The following FERMT1 variants were observed in gnomAD, a reference collection of about 807,000 sequenced individuals.
FERMT1 encodes FERM domain containing kindlin 1.
FERMT1 carries 60 observed loss-of-function variants against 85.3 expected under a neutral mutation model. The observed-to-expected ratio is 0.70, with a 90% confidence interval of 0.57 to 0.87. The LOEUF (loss-of-function observed/expected upper bound fraction) is 0.87, where lower values mean the gene tolerates loss of function less well. FERMT1 is among the 40% of genes least tolerant of loss of function. FERMT1 has a pLI of 0.00. For missense variants in FERMT1, 701 were observed against 818.9 expected, an observed-to-expected ratio of 0.86 and a Z score of 1.76; for synonymous variants, 275 against 301.1, an observed-to-expected ratio of 0.91 and a Z score of 0.90.
chr20:6,121,329 C>T (rs1362921407), intron 1 of FERMT1, among the ~76,000 whole-genome samples: 1 of 152,206 alleles, frequency 6.6e-6, no homozygotes, highest in Non-Finnish European at 1.5e-5. Flanking sequence ...ACCATGCTGG[C>T]CAGGCTGGTC....
chr20:6,116,753 G>T (rs1029237364), intron 2 of FERMT1, among the ~76,000 whole-genome samples: 1 of 148,880 alleles, frequency 6.7e-6, no homozygotes, highest in Non-Finnish European at 1.5e-5. Flanking sequence ...TGGAAAATAG[G>T]GACTAAATCT....
Position 6,078,651 on chromosome 20 carries a change from T to TG in FERMT1, c.1860+784_1860+785insC, listed in dbSNP as rs1568651740. Among the ~76,000 whole-genome samples, 239 of 140,370 alleles carry TG rather than the reference T, an allele frequency of 1.7e-3. 1 individual carries two copies. The highest frequency in any genetic ancestry group is 7.0e-3 in the Middle Eastern group (2 of 284). 92.1% of individuals were successfully genotyped at this position (140,370 alleles called of 152,430 possible). Reference sequence around the variant, plus strand: ...GTTCAGCGTTTTTTTTTTTTGTTTTTTTTTTTTTTAATTTTCTGTGGAGAC... The same window carrying TG: ...GTTCAGCGTTTTTTTTTTTTGTTTTTGTTTTTTTTTAATTTTCTGTGGAGAC... On this transcript the variant is annotated intron_variant, in intron 14 of 14. Coordinates refer to ENST00000217289, the MANE Select transcript of FERMT1 (RefSeq NM_017671.5).
chr20:6,083,641 C>G (rs6053891), intron 13 of FERMT1, among the ~76,000 whole-genome samples: 1 of 131,904 alleles, frequency 7.6e-6, no homozygotes, highest in South Asian at 2.5e-4. Context: ...CCAGCCTGGG[C>G]GGCAAAATGA....
Position 6,087,821 on chromosome 20 carries a change from G to A in FERMT1, c.1327C>T (p.Pro443Ser). 1.9e-6 allele frequency: 3 copies of A among 1,611,524 alleles called. No individual in the cohort carries two copies. The highest frequency in any genetic ancestry group is 2.5e-6 in the Non-Finnish European group (3 of 1,177,674). The change falls in exon 11 of 15, where the codon CCT becomes TCT. Residue 443 changes from proline (P) to serine (S), a missense_variant. Physicochemically the swap from Pro to Ser is moderately conservative, Grantham distance 74. Transcript: ENST00000217289. ...GRKFGIKLLI[P>S]VADGMNEMYL... ...ATTTCATTCATACCATCGGCAACAG[G>A]GATTAGTAACTTGATTCCAAATTTT...
At chr20:6,082,814 C>T (rs1238128177) in intron 13 of FERMT1, among the ~76,000 whole-genome samples, 3 of 152,124 alleles carry the variant, frequency 2.0e-5, no homozygotes, top group Admixed American at 6.6e-5. Flanking sequence ...CACCACCACG[C>T]CCAGCTAATT....
intron 10 of FERMT1, among the ~76,000 whole-genome samples, chr20:6,088,583 C>T (rs905595478): frequency 3.3e-5 from 5 of 151,606 alleles, no homozygotes; most frequent in African/African-American, 1.2e-4. Flanking sequence ...GTAAGTAAAC[C>T]GTGCCTCATG....
chr20:6,119,558 G>A lies in FERMT1; in HGVS notation c.-4C>T, dbSNP rs752316265. On this transcript the variant is annotated 5_prime_UTR_variant, in exon 2 of 15. Transcript: ENST00000217289. ...TAAAGTCAGTGGATGACAGCATTGT[G>A]GCAAATGCTGGTGTCTGCTGAACAA... 4.3e-6 allele frequency: 7 copies of A among 1,613,426 alleles called. No individual in the cohort carries two copies. In the South Asian group the frequency reaches 7.7e-5, roughly 18 times the overall value.
chr20:6,095,508 T>C (rs75198161), intron 8 of FERMT1, among the ~76,000 whole-genome samples: 8,099 of 152,354 alleles, frequency 0.053, 322 homozygotes, highest in Middle Eastern at 0.17. Flanking sequence ...TACACCTAGG[T>C]CACTGATTAA....
In FERMT1 at chr20:6,075,532, G is replaced by C. The variant is rs542885232; in HGVS notation, c.*1641C>G. The C allele has an allele frequency of 1.3e-5, 2 of 152,428 alleles. No homozygotes were observed. Among genetic ancestry groups the C allele is most frequent in the African/African-American group, 4.8e-5 (2 of 41,550 alleles). The allele number at this position is 152,428 out of a possible 1,614,324, so 9.4% of individuals were successfully genotyped here. ...TCAGAAATTCAGCGGGTGCCTGGGA[G>C]GCTTCATTCACATTCACCTCTAAGG... On this transcript the variant is annotated 3_prime_UTR_variant, in exon 15 of 15. Coordinates refer to ENST00000217289, the MANE Select transcript of FERMT1 (RefSeq NM_017671.5).
In FERMT1 at chr20:6,097,591, C is replaced by G; in HGVS notation, c.890G>C (p.Arg297Thr). ...VRINQLYEQA[R>T]WAILLEEIDC... ...AATTTCTTCTAAGAGAATGGCCCAC[C>G]TGGCTTGCTCATAGAGTTGGTTTAT... is the stretch of plus-strand genomic sequence containing the variant. The change falls in exon 7 of 15, where the codon AGG becomes ACG. Residue 297 changes from arginine (R) to threonine (T), a missense_variant. Transcript: ENST00000217289. The G allele has an allele frequency of 3.7e-6, 6 of 1,614,078 alleles. No homozygotes were observed. Among genetic ancestry groups the G allele is most frequent in the Non-Finnish European group, 3.4e-6 (4 of 1,180,002 alleles).
At position 6,112,177 on chromosome 20, in the gene FERMT1, G is replaced by C. The variant is rs73604913; in HGVS notation, c.532+300C>G. On this transcript the variant is annotated intron_variant, in intron 4 of 14. Transcript: ENST00000217289. ...AAGCATGAGGCACCGTGACCAGCCA[G>C]TTACCTGTTTTCTAAATATCACTCT... is the stretch of plus-strand genomic sequence containing the variant. 0.038 allele frequency among the ~76,000 whole-genome samples: 5,841 copies of C among 152,156 alleles called. 378 individuals are homozygous for C. Among genetic ancestry groups the C allele is most frequent in the African/African-American group, 0.13 (5,595 of 41,502 alleles).
rs1415628144 is a variant in FERMT1 at position 6,119,501 on chromosome 20, A to T, written c.54T>A (p.Val18=). The change falls in exon 2 of 15, where the codon GTT becomes GTA. Residue 18 remains valine (V), a synonymous_variant. Transcript: ENST00000217289. ...TFASWELVVR[V]DHPNEEQQKD... ...TCTGCTGCTCTTCATTGGGATGGTC[A>T]ACGCGGACCACAAGCTCCCAGGAAG... 2 of 1,614,076 alleles carry T rather than the reference A, an allele frequency of 1.2e-6. No individual in the cohort carries two copies. The highest frequency in any genetic ancestry group is 2.7e-5 in the African/African-American group (2 of 74,934).
intron 13 of FERMT1, among the ~76,000 whole-genome samples, chr20:6,080,448 C>G (rs1981962735): frequency 6.6e-6 from 1 of 152,134 alleles, no homozygotes; most frequent in Admixed American, 6.5e-5. Context: ...ACACCTGTCC[C>G]AGATGGTTTT....
Position 6,115,935 on chromosome 20 carries a change from C to T in FERMT1, c.261G>A (p.Lys87=), listed in dbSNP as rs201299848. The part of the protein sequence containing the change: ...LDKYGVQADA[K]LLFTPQHKML... ...TTTTATGCTGAGGGGTGAAGAGAAG[C>T]TTTGCATCTGCCTGGACCCCATATT... The change falls in exon 3 of 15, where the codon AAG becomes AAA. Residue 87 remains lysine, a synonymous_variant. Transcript: ENST00000217289. The T allele has an allele frequency of 1.2e-6, 2 of 1,614,194 alleles. No individual in the cohort carries two copies. The highest frequency in any genetic ancestry group is 1.3e-5 in the African/African-American group (1 of 75,046).
chr20:6,115,995 A>G lies in FERMT1; in HGVS notation c.201T>C (p.His67=). The change falls in exon 3 of 15, where the codon CAT becomes CAC. Residue 67 remains histidine (H), a synonymous_variant. Coordinates refer to ENST00000217289, the MANE Select transcript of FERMT1 (RefSeq NM_017671.5). The stretch of plus-strand genomic sequence containing the variant: ...TCCAGTGGGTTTTCAGAAGCCAGCA[A>G]TGCTTCTGTTCCCACCAAAGAGCAA... The part of the protein sequence containing the change: ...SDFALWWEQK[H]CWLLKTHWTL... The G allele has an allele frequency of 6.2e-7, 1 of 1,614,148 alleles. No homozygotes were observed. The highest frequency in any genetic ancestry group is 2.2e-5 in the East Asian group (1 of 44,888).
intron 2 of FERMT1, among the ~76,000 whole-genome samples, chr20:6,116,451 G>A (rs6053915): frequency 0.4 from 59,934 of 151,690 alleles, 12,097 homozygotes; most frequent in South Asian, 0.54. Context: ...TAATAGGGTC[G>A]GGTGCTGTAG....
intron 2 of FERMT1, among the ~76,000 whole-genome samples, chr20:6,116,723 C>G (rs1329679419): frequency 9.1e-6 from 1 of 109,868 alleles, no homozygotes; most frequent in Non-Finnish European, 1.9e-5. Flanking sequence ...GAGCAAATCT[C>G]TGTCTCAAAA....
intron 13 of FERMT1, among the ~76,000 whole-genome samples, chr20:6,082,710 C>A (rs1214329912): frequency 6.6e-6 from 1 of 152,184 alleles, no homozygotes; most frequent in African/African-American, 2.4e-5. Context: ...GGCTGGAGGG[C>A]AGTGGCGCGA....
intron 6 of FERMT1, among the ~76,000 whole-genome samples, chr20:6,107,224 A>AC (rs1331728016): frequency 3.5e-5 from 5 of 144,888 alleles, no homozygotes; most frequent in African/African-American, 1.0e-4. Flanking sequence ...AAAAAAAAGA[A>AC]CTCCAGCTCT....
Sources: allele counts gnomAD v4.1 joint callset (sites outside exome capture counted in the v4.1 genomes callset), GRCh38; gene constraint gnomAD v4.1.1; transcripts MANE v1.5; gene names NCBI Gene and HGNC (gene_info 2026-07-23, HGNC 2026-07-21).